Variants in CRISPLD1 observed in about 807,000 individuals in gnomAD.
CRISPLD1 encodes the protein cysteine-rich secretory protein LCCL domain-containing 1.
In CRISPLD1, 60 loss-of-function variants were observed where a neutral mutation model predicts 77.5. The observed-to-expected ratio is 0.77, with a 90% confidence interval of 0.63 to 0.96. CRISPLD1 has a LOEUF of 0.96. Ranked by LOEUF, CRISPLD1 falls within the 40% of genes least tolerant of loss-of-function variation. The pLI, the probability that CRISPLD1 is intolerant of heterozygous loss-of-function variation, is 0.00. For synonymous variants in CRISPLD1, 195 were observed against 200.1 expected, an observed-to-expected ratio of 0.97 and a Z score of 0.22; for missense variants, 623 against 615.8, an observed-to-expected ratio of 1.01 and a Z score of -0.12.
At chr8:75,017,195 C>A (rs1813047491) in intron 9 of CRISPLD1, 82 bp downstream of exon 9, 1 of 1,502,662 alleles carries the variant, frequency 6.7e-7, no homozygotes, top group East Asian at 2.3e-5. Flanking sequence ...TAACACCTTA[C>A]ATAAGTATAG....
chr8:75,012,850 C>T lies in CRISPLD1; in HGVS notation c.378-40C>T, dbSNP rs745503513. 1.9e-6 allele frequency: 3 copies of T among 1,575,022 alleles called. No homozygotes were observed. The African/African-American group carries it at 4.1e-5, about 21-fold the overall frequency. ...GCAATATTTAGTTTTGTATTTTCTCCAACTTTGCTTGCCCTCTGTGACTAT... is the reference window on the plus strand; with the variant it reads ...GCAATATTTAGTTTTGTATTTTCTCTAACTTTGCTTGCCCTCTGTGACTAT... On this transcript the variant is annotated intron_variant, in intron 3 of 14. Coordinates refer to ENST00000262207, the MANE Select transcript of CRISPLD1 (RefSeq NM_031461.6).
intron 2 of CRISPLD1, among the ~76,000 whole-genome samples, chr8:74,994,896 T>C (rs1812623397): frequency 6.6e-6 from 1 of 152,180 alleles, no homozygotes; most frequent in African/African-American, 2.4e-5. Flanking sequence ...TGGGGAAGAA[T>C]ATGGATAGAC....
chr8:75,019,084 A>T (rs1022859019), intron 10 of CRISPLD1, among the ~76,000 whole-genome samples: 8 of 152,164 alleles, frequency 5.3e-5, no homozygotes, highest in African/African-American at 1.9e-4. Flanking sequence ...ATTCTCTTGA[A>T]ACTTGAAGGC....
intron 2 of CRISPLD1, among the ~76,000 whole-genome samples, chr8:75,008,571 C>T (rs1038293547): frequency 3.9e-5 from 6 of 151,966 alleles, no homozygotes; most frequent in African/African-American, 1.2e-4. Flanking sequence ...ATGCTTTATT[C>T]GATTCTGTGA....
Position 75,016,645 on chromosome 8 carries a change from C to T in CRISPLD1, c.808C>T (p.His270Tyr), listed in dbSNP as rs761386459. ...ACAGCAGTCACAAGTCCATGACACC[C>T]ATGTCCGGACAAGATCAGATGATAG... ...ERQQSQVHDT[H>Y]VRTRSDDSSR... Residue 270 changes from histidine to tyrosine, a missense_variant, in exon 7 of 15, where the codon CAT becomes TAT. Physicochemically the swap from His to Tyr is moderately conservative, Grantham distance 83 (BLOSUM62 2). Transcript: ENST00000262207. 5 of 1,613,268 alleles carry T rather than the reference C, an allele frequency of 3.1e-6. No homozygotes were observed. In the South Asian group the frequency reaches 4.4e-5, roughly 14 times the overall value.
Position 75,029,454 on chromosome 8 carries a change from T to G in CRISPLD1, c.1388T>G (p.Val463Gly), listed in dbSNP as rs1813295040. ...CGAAATCACGGTGGTTATGTTGATG[T>G]AATGCCTGTGGACAAAAGAAAGACC... ...VVRNHGGYVD[V>G]MPVDKRKTYI... The change falls in exon 14 of 15, where the codon GTA (valine) becomes GGA (glycine). Residue 463 changes from valine (V) to glycine (G), a missense_variant. By Grantham distance (109) the Val-to-Gly change is moderately radical. Transcript: ENST00000262207. The G allele has an allele frequency of 6.2e-7, 1 of 1,613,848 alleles. No homozygotes were observed. Among genetic ancestry groups the G allele is most frequent in the East Asian group, 2.2e-5 (1 of 44,872 alleles).
chr8:75,006,338 T>C (rs1812830418), intron 2 of CRISPLD1, among the ~76,000 whole-genome samples: 1 of 152,170 alleles, frequency 6.6e-6, no homozygotes, highest in African/African-American at 2.4e-5. Flanking sequence ...CTACATCAGT[T>C]TTGCAAAAAG....
intron 2 of CRISPLD1, among the ~76,000 whole-genome samples, chr8:75,006,957 A>G (rs1224036246): frequency 1.3e-5 from 2 of 152,178 alleles, no homozygotes; most frequent in East Asian, 3.8e-4. Context: ...TTAATGCAAA[A>G]CATTTAACAT....
intron 2 of CRISPLD1, among the ~76,000 whole-genome samples, chr8:74,994,755 T>C (rs909860600): frequency 2.0e-5 from 3 of 152,202 alleles, no homozygotes; most frequent in Admixed American, 1.3e-4. Flanking sequence ...TTAATTGCAC[T>C]ATCATGGGGA....
chr8:75,030,675 GAT>G (rs952687545), intron 14 of CRISPLD1, among the ~76,000 whole-genome samples: 10 of 140,616 alleles, frequency 7.1e-5, no homozygotes, highest in Non-Finnish European at 1.2e-4. Context: ...TATACCCGGA[GAT>G]ATATGTGTGT....
At chr8:75,021,541 A>G (rs113046515) in intron 12 of CRISPLD1, among the ~76,000 whole-genome samples, 21 of 152,300 alleles carry the variant, frequency 1.4e-4, no homozygotes, top group African/African-American at 4.6e-4. Flanking sequence ...GAAGTGCATC[A>G]TATACTTTTT....
At chr8:75,013,959 T>C (rs760961988) in intron 4 of CRISPLD1, 28 bp from the exon 5 acceptor site, 2 of 1,493,904 alleles carry the variant, frequency 1.3e-6, no homozygotes. Context: ...AGCCTGCTTT[T>C]TCTGAGCCTT....
At chr8:75,006,374 A>T (rs1280673495) in intron 2 of CRISPLD1, among the ~76,000 whole-genome samples, 2 of 152,170 alleles carry the variant, frequency 1.3e-5, no homozygotes, top group Non-Finnish European at 2.9e-5. Flanking sequence ...AATCATTTCT[A>T]TATTATCTAT....
chr8:74,988,413 C>T (rs2128780468), intron 2 of CRISPLD1, among the ~76,000 whole-genome samples: 2 of 152,220 alleles, frequency 1.3e-5, no homozygotes, highest in East Asian at 3.9e-4. Flanking sequence ...TTTGACTAAC[C>T]AGTTACCTAT....
intron 2 of CRISPLD1, among the ~76,000 whole-genome samples, chr8:75,006,151 C>T (rs563978660): frequency 1.3e-5 from 2 of 152,216 alleles, no homozygotes; most frequent in African/African-American, 4.8e-5. Context: ...GTTTAACCCC[C>T]ACTTATAAGT....
At chr8:75,002,520 C>G (rs1812762525) in intron 2 of CRISPLD1, among the ~76,000 whole-genome samples, 1 of 150,986 alleles carries the variant, frequency 6.6e-6, no homozygotes. Flanking sequence ...TGATGAAGGG[C>G]CTATATGCAG....
At chr8:75,001,853 T>C (rs1016909842) in intron 2 of CRISPLD1, among the ~76,000 whole-genome samples, 1 of 152,190 alleles carries the variant, frequency 6.6e-6, no homozygotes, top group Non-Finnish European at 1.5e-5. Flanking sequence ...TGCTTACTTA[T>C]GATGAAACGT....
chr8:75,030,602 T>C (rs1813317766), intron 14 of CRISPLD1, among the ~76,000 whole-genome samples: 1 of 152,018 alleles, frequency 6.6e-6, no homozygotes, highest in Non-Finnish European at 1.5e-5. Flanking sequence ...ATTCCAGATG[T>C]TAGATGCTCC....
At chr8:74,990,743 C>T (rs7841624) in intron 2 of CRISPLD1, among the ~76,000 whole-genome samples, 18,397 of 148,172 alleles carry the variant, frequency 0.12, 1,668 homozygotes, top group African/African-American at 0.25. Flanking sequence ...ATATCACTAA[C>T]ATCTTCTCAG....
Sources: gnomAD v4.1 joint callset for allele counts (sites outside exome capture counted in the v4.1 genomes callset) on GRCh38, gnomAD v4.1.1 for gene constraint, MANE v1.5 for transcripts, NCBI Gene and HGNC (gene_info 2026-07-23, HGNC 2026-07-21) for gene names.